TXNL4A: variants seen among roughly 807,000 people sequenced by gnomAD.
TXNL4A encodes the protein thioredoxin-like protein 4A.
In TXNL4A, 17 loss-of-function variants were observed where a neutral mutation model predicts 14.6. The ratio of observed to expected loss-of-function variants is 1.16; its 90% CI spans 0.80 to 1.74. The LOEUF is 1.74. Ranked by LOEUF, TXNL4A falls within the 40% of genes most tolerant of loss-of-function variation. The pLI, the probability that TXNL4A is intolerant of heterozygous loss-of-function variation, is 0.00. For synonymous variants in TXNL4A, 83 were observed against 70.6 expected (o/e 1.18, Z -0.88); for missense variants, 74 against 195.2 (o/e 0.38, Z 3.70).
chr18:80,016,580 T>C (rs2051812047), intron 1 of TXNL4A, among the ~76,000 whole-genome samples: 2 of 152,182 alleles, frequency 1.3e-5, no homozygotes, highest in South Asian at 4.1e-4. Flanking sequence ...TTTCTACATA[T>C]GGCTAGCCAG....
intron 1 of TXNL4A, chr18:79,979,599 G>T: frequency 6.5e-6 from 1 of 152,962 alleles, no homozygotes; most frequent in South Asian, 1.9e-4. Context: ...GGCCTCCCCA[G>T]AAGCAAATGC....
chr18:80,015,237 C>T (rs1170961698), intron 1 of TXNL4A, among the ~76,000 whole-genome samples: 4 of 151,926 alleles, frequency 2.6e-5, no homozygotes, highest in Admixed American at 1.3e-4. Context: ...CTGCAGCCAG[C>T]TTGAATTTCT....
chr18:79,992,863 C>T (rs1328085265), upstream of TXNL4A, among the ~76,000 whole-genome samples: 1 of 105,748 alleles, frequency 9.5e-6, no homozygotes, highest in East Asian at 2.9e-4. Context: ...CCCCATTTGT[C>T]TGTCATCTTA....
At chr18:79,998,292 C>CAA (rs1281876024) in intron 1 of TXNL4A, among the ~76,000 whole-genome samples, 3 of 122,902 alleles carry the variant, frequency 2.4e-5, no homozygotes, top group Admixed American at 8.6e-5. Context: ...GACTCCGTCT[C>CAA]AAAAAAAAAA....
chr18:79,988,634 A>G (rs1029958744), upstream of TXNL4A: 1 of 347,610 alleles, frequency 2.9e-6, no homozygotes, highest in Non-Finnish European at 5.1e-6. Context: ...TGCTGACGGC[A>G]TGTGCGTATA....
rs142793603 is a variant in TXNL4A, at chr18:80,025,627, C to G, written c.-61+8224G>C. Among the ~76,000 whole-genome samples the G allele has an allele frequency of 1.6e-3, 237 of 152,372 alleles. 2 individuals carry two copies. The highest frequency in any genetic ancestry group is 3.4e-3 in the Middle Eastern group (1 of 294). On this transcript the variant is annotated intron_variant, in intron 1 of 2. Coordinates refer to the TXNL4A transcript ENST00000585474. ...ATTGTCTACCAACCTTGGTCAAAGG[C>G]TGAATTGTGAGTCATAGTTAAAGAA...
chr18:79,973,296 A>ACC lies in TXNL4A; in HGVS notation c.*387_*388dup, dbSNP rs77355432. On this transcript the variant is annotated 3_prime_UTR_variant, in exon 3 of 3. Coordinates refer to ENST00000269601, the MANE Select transcript of TXNL4A (RefSeq NM_006701.5). ...CCCACCCGCGACACCCTGATCTCAG[A>ACC]CCCCCGCCTGCAAAGCTGTGAGAGC... 6.1e-6 allele frequency: 1 copy of ACC among 163,508 alleles called. No homozygotes were observed. Among genetic ancestry groups the ACC allele is most frequent in the Non-Finnish European group, 1.3e-5 (1 of 75,978 alleles). The allele number at this position is 163,508 out of a possible 1,614,324, so 10.1% of individuals were successfully genotyped here. A position where few individuals can be genotyped will look rare whatever the true frequency, so the allele number is the denominator to read the frequency against.
At chr18:79,995,631 TA>T (rs1391487584) in intron 1 of TXNL4A, among the ~76,000 whole-genome samples, 2 of 152,194 alleles carry the variant, frequency 1.3e-5, no homozygotes, top group East Asian at 3.9e-4. Flanking sequence ...CAGCCAGAAC[TA>T]ATGAACTAGT....
rs542094879 is a variant in TXNL4A, at chr18:79,994,123, C to T, written c.-60-16422G>A. ...CATAAAGTTCCACCTTTAGAAACTC[C>T]GGCCAGGTACATGCAAAATACTTAC... On this transcript the variant is annotated intron_variant, in intron 1 of 2. Transcript: ENST00000585474. Among the ~76,000 whole-genome samples the T allele has an allele frequency of 3.8e-4, 58 of 152,262 alleles. 1 individual carries two copies. Among genetic ancestry groups the T allele is most frequent in the South Asian group, 2.1e-4 (1 of 4,820 alleles).
At chr18:79,984,289 A>C (rs1334348443) in intron 1 of TXNL4A, among the ~76,000 whole-genome samples, 1 of 152,124 alleles carries the variant, frequency 6.6e-6, no homozygotes, top group Non-Finnish European at 1.5e-5. Context: ...CTTACACACA[A>C]TTTATTAGAA....
At chr18:80,019,161 C>G (rs933417885) in intron 1 of TXNL4A, among the ~76,000 whole-genome samples, 13 of 152,170 alleles carry the variant, frequency 8.5e-5, no homozygotes, top group Non-Finnish European at 1.8e-4. Context: ...ACACCCGACT[C>G]TACTGGTACC....
chr18:79,988,139 C>G, intron 1 of TXNL4A, 101 bp downstream of exon 1: 11 of 1,289,996 alleles, frequency 8.5e-6, no homozygotes, highest in Non-Finnish European at 1.1e-5. Flanking sequence ...CGCGGCCCCT[C>G]CTCGGGGAAC....
chr18:79,977,696 T>C lies in TXNL4A; in HGVS notation c.159A>G (p.Lys53=), dbSNP rs763874928. The C allele has an allele frequency of 1.3e-6, 2 of 1,589,432 alleles. No homozygotes were observed. Among genetic ancestry groups the C allele is most frequent in the African/African-American group, 1.4e-5 (1 of 73,626 alleles). Residue 53 remains lysine, a synonymous_variant, in exon 2 of 3, where the codon AAA becomes AAG. Coordinates refer to ENST00000269601, the MANE Select transcript of TXNL4A (RefSeq NM_006701.5). ...EVLYSIAEKV[K]NFAVIYLVDI... is the part of the protein sequence containing the mutation. ...CCACAAGATAAATAACTGCAAAATT[T>C]TTAACCTAAAAGGAGATTAAAAAAA...
At chr18:80,010,958 C>CT (rs914737136) in intron 1 of TXNL4A, among the ~76,000 whole-genome samples, 75 of 146,000 alleles carry the variant, frequency 5.1e-4, no homozygotes, top group Admixed American at 8.2e-4. Context: ...TTGGGCATTG[C>CT]TTTTTTTTTT....
At chr18:80,002,838 C>T (rs1009580885) in intron 1 of TXNL4A, among the ~76,000 whole-genome samples, 3 of 152,212 alleles carry the variant, frequency 2.0e-5, no homozygotes, top group Non-Finnish European at 4.4e-5. Context: ...TTCACGGACT[C>T]GGCCCTGAAT....
chr18:79,978,997 G>A (rs2051422773), intron 1 of TXNL4A, among the ~76,000 whole-genome samples: 1 of 150,828 alleles, frequency 6.6e-6, no homozygotes, highest in African/African-American at 2.4e-5. Context: ...GAGTGCAGTT[G>A]CATGATCTTG....
chr18:80,018,938 C>T (rs1403033089), intron 1 of TXNL4A, among the ~76,000 whole-genome samples: 1 of 152,214 alleles, frequency 6.6e-6, no homozygotes, highest in Non-Finnish European at 1.5e-5. Context: ...CAGTTCCCAA[C>T]AAATTCCTCA....
chr18:80,019,172 A>G (rs1489419801), intron 1 of TXNL4A, among the ~76,000 whole-genome samples: 1 of 152,194 alleles, frequency 6.6e-6, no homozygotes, highest in Non-Finnish European at 1.5e-5. Context: ...TACTGGTACC[A>G]ATGTACTGCA....
chr18:79,985,756 T>C (rs1321370284), intron 1 of TXNL4A: 1 of 152,072 alleles, frequency 6.6e-6, no homozygotes, highest in Non-Finnish European at 1.5e-5. Flanking sequence ...CTAGGAAAAA[T>C]CATATCAAGT....
Sources: allele counts gnomAD v4.1 joint callset (sites outside exome capture counted in the v4.1 genomes callset), GRCh38; gene constraint gnomAD v4.1.1; transcripts MANE v1.5; gene names NCBI Gene and HGNC (gene_info 2026-07-23, HGNC 2026-07-21).